The following TANGO6 variants were observed in gnomAD, a reference collection of about 807,000 sequenced individuals.
TANGO6 encodes the protein transport and Golgi organization protein 6 homolog.
A neutral mutation model predicts 114.2 loss-of-function variants in TANGO6; 90 were observed. The observed-to-expected ratio is 0.79, with a 90% CI of 0.66 to 0.94. TANGO6 has a LOEUF of 0.94. TANGO6 is among the 40% of genes least tolerant of loss of function. The pLI is 0.00. For missense variants in TANGO6, 1,274 were observed against 1,315.3 expected (o/e 0.97, Z 0.49); for synonymous variants, 477 against 509.8 (o/e 0.94, Z 0.87).
At chr16:68,986,594 A>G (rs536818298) in intron 15 of TANGO6, among the ~76,000 whole-genome samples, 26 of 152,094 alleles carry the variant, frequency 1.7e-4, no homozygotes, top group Non-Finnish European at 3.2e-4. Context: ...GAATGAAGCC[A>G]TAATCCAATT....
chr16:68,978,337 T>C (rs966759369), intron 15 of TANGO6, among the ~76,000 whole-genome samples: 4 of 152,220 alleles, frequency 2.6e-5, no homozygotes, highest in African/African-American at 9.7e-5. Context: ...AGGTGAGGCC[T>C]TACTCCTCCT....
At chr16:68,948,985 G>T (rs528273810) in intron 14 of TANGO6, among the ~76,000 whole-genome samples, 53 of 151,988 alleles carry the variant, frequency 3.5e-4, no homozygotes, top group African/African-American at 1.2e-3. Context: ...TCGGGAGTTC[G>T]AGACCAGCCT....
intron 17 of TANGO6, among the ~76,000 whole-genome samples, chr16:69,058,651 C>T (rs973819975): frequency 6.6e-6 from 1 of 152,186 alleles, no homozygotes; most frequent in African/African-American, 2.4e-5. Context: ...GAGACTTCTG[C>T]TTCCTTAACC....
chr16:68,996,946 C>T lies in TANGO6; in HGVS notation c.2842+22778C>T, dbSNP rs189869595. Among the ~76,000 whole-genome samples the T allele has an allele frequency of 4.1e-4, 62 of 152,054 alleles. No individual in the cohort carries two copies. In the East Asian group the frequency reaches 0.012, roughly 28 times the overall value. ...AAAAGACTCCAGTTCTTCATCTCTA[C>T]TTCAACCTGGTCCATAGAGGAAATG... On this transcript the variant is annotated intron_variant, in intron 15 of 17. Coordinates refer to ENST00000261778, the MANE Select transcript of TANGO6 (RefSeq NM_024562.2).
intron 14 of TANGO6, among the ~76,000 whole-genome samples, chr16:68,930,803 T>C (rs1427040939): frequency 6.6e-6 from 1 of 151,604 alleles, no homozygotes; most frequent in East Asian, 1.9e-4. Flanking sequence ...GCCCAGCTAA[T>C]TTTTTATATT....
chr16:69,079,010 A>G (rs1047904124), intron 17 of TANGO6, among the ~76,000 whole-genome samples: 2 of 151,454 alleles, frequency 1.3e-5, no homozygotes, highest in Non-Finnish European at 2.9e-5. Context: ...ACTGCACTCC[A>G]GCCTGGGAGA....
intron 7 of TANGO6, among the ~76,000 whole-genome samples, chr16:68,888,275 C>T (rs908993484): frequency 6.6e-6 from 1 of 152,148 alleles, no homozygotes; most frequent in South Asian, 2.1e-4. Context: ...CCCTAGAATG[C>T]TTAAATTCTT....
chr16:68,900,767 C>A (rs181267819), intron 8 of TANGO6, among the ~76,000 whole-genome samples: 1 of 152,292 alleles, frequency 6.6e-6, no homozygotes, highest in African/African-American at 2.4e-5. Flanking sequence ...CTTTCCTCAG[C>A]CTCTGTCCTA....
intron 11 of TANGO6, among the ~76,000 whole-genome samples, chr16:68,912,873 C>T (rs183893626): frequency 1.9e-4 from 28 of 145,162 alleles, no homozygotes; most frequent in East Asian, 1.2e-3. Context: ...CCCAGGTGTT[C>T]GAGACCAGCC....
intron 7 of TANGO6, among the ~76,000 whole-genome samples, chr16:68,894,307 G>A (rs926041556): frequency 5.9e-5 from 9 of 152,260 alleles, no homozygotes; most frequent in African/African-American, 1.9e-4. Context: ...AATAGGGAGT[G>A]TAAATGTTGG....
chr16:68,934,543 C>T (rs1963281244), intron 14 of TANGO6, among the ~76,000 whole-genome samples: 1 of 152,104 alleles, frequency 6.6e-6, no homozygotes, highest in Non-Finnish European at 1.5e-5. Flanking sequence ...AAAGTAATTA[C>T]CTGCAGCTGA....
rs542511727 is a variant in TANGO6 at position 69,012,515 on chromosome 16, C to A, written c.2843-10313C>A. Reference sequence around the variant, plus strand: ...AGGTTGCAGGAAGCCAAGATCGTGCCATTGCACTCCAGCCTGGGCAACAAG... The same window carrying A: ...AGGTTGCAGGAAGCCAAGATCGTGCAATTGCACTCCAGCCTGGGCAACAAG... On this transcript the variant is annotated intron_variant, in intron 15 of 17. Coordinates refer to ENST00000261778, the MANE Select transcript of TANGO6 (RefSeq NM_024562.2). 5.5e-4 allele frequency among the ~76,000 whole-genome samples: 73 copies of A among 133,254 alleles called. 2 individuals carry two copies. In the South Asian group the frequency reaches 0.017, roughly 31 times the overall value. The allele number at this position is 133,254 out of a possible 152,430, so 87.4% of individuals were successfully genotyped here. A position where few individuals can be genotyped will look rare whatever the true frequency, so the allele number is the denominator to read the frequency against.
chr16:68,919,300 G>A, intron 12 of TANGO6, 81 bp downstream of exon 12: 3 of 1,518,082 alleles, frequency 2.0e-6, no homozygotes, highest in Non-Finnish European at 2.7e-6. Context: ...ATATCCTTGT[G>A]AGAAATAAGA....
At chr16:69,081,698 T>C (rs1022519108) in intron 17 of TANGO6, among the ~76,000 whole-genome samples, 3 of 152,166 alleles carry the variant, frequency 2.0e-5, no homozygotes, top group Non-Finnish European at 2.9e-5. Context: ...CTAGAAGTTC[T>C]AGCTCCCAAG....
chr16:68,980,036 C>CG (rs1338094726), intron 15 of TANGO6, among the ~76,000 whole-genome samples: 1 of 151,420 alleles, frequency 6.6e-6, no homozygotes, highest in Non-Finnish European at 1.5e-5. Context: ...TTAGTAGAGA[C>CG]GGGGTTTCAC....
At chr16:68,970,947 G>T (rs1325843092) in intron 14 of TANGO6, among the ~76,000 whole-genome samples, 2 of 152,052 alleles carry the variant, frequency 1.3e-5, no homozygotes, top group Non-Finnish European at 2.9e-5. Flanking sequence ...CACCTCAGGA[G>T]TTCGAGATCA....
chr16:69,021,114 A>G (rs1353657447), intron 15 of TANGO6, among the ~76,000 whole-genome samples: 1 of 152,134 alleles, frequency 6.6e-6, no homozygotes, highest in African/African-American at 2.4e-5. Context: ...TCCTTTGCTC[A>G]GAATCCTCCA....
chr16:68,942,167 T>C (rs772488938), intron 14 of TANGO6, among the ~76,000 whole-genome samples: 10 of 151,864 alleles, frequency 6.6e-5, no homozygotes, highest in Non-Finnish European at 1.2e-4. Context: ...CCATCTCTAC[T>C]AAAAATACAA....
intron 12 of TANGO6, among the ~76,000 whole-genome samples, chr16:68,920,245 A>G (rs1963071532): frequency 6.6e-6 from 1 of 152,336 alleles, no homozygotes; most frequent in Non-Finnish European, 1.5e-5. Context: ...AGTGGCGGGT[A>G]CCAAGAGCAC....
Sources: allele counts gnomAD v4.1 joint callset (sites outside exome capture counted in the v4.1 genomes callset), GRCh38; gene constraint gnomAD v4.1.1; transcripts MANE v1.5; gene names NCBI Gene and HGNC (gene_info 2026-07-23, HGNC 2026-07-21).